Variants in BMAL2 observed in about 807,000 individuals in gnomAD.
The protein encoded by BMAL2 is basic helix-loop-helix ARNT like 2, also known as basic helix-loop-helix ARNT-like protein 2.
the BMAL2 span, among the ~76,000 whole-genome samples, chr12:27,402,935 A>G: frequency 0.015 from 2,331 of 152,280 alleles, 64 homozygotes; most frequent in African/African-American, 0.052. Flanking sequence ...TTCTGTTATA[A>G]TCTTGCATTA....
At chr12:27,420,168 G>C in the BMAL2 span, among the ~76,000 whole-genome samples, 43 of 152,158 alleles carry the variant, frequency 2.8e-4, no homozygotes, top group Non-Finnish European at 4.7e-4. Context: ...AGATGAATTA[G>C]GTGCAATTTA....
the BMAL2 span, among the ~76,000 whole-genome samples, chr12:27,412,960 G>T: frequency 6.6e-6 from 1 of 151,746 alleles, no homozygotes; most frequent in African/African-American, 2.4e-5. Flanking sequence ...AACCTTGCAG[G>T]CCGGGAGAGA....
At chr12:27,342,100 C>G in the BMAL2 span, among the ~76,000 whole-genome samples, 337 of 152,106 alleles carry the variant, frequency 2.2e-3, 1 homozygote, top group African/African-American at 7.5e-3. Flanking sequence ...CCACAGCCAG[C>G]TAATTTTGTA....
the BMAL2 span, among the ~76,000 whole-genome samples, chr12:27,411,776 T>C: frequency 6.6e-6 from 1 of 152,190 alleles, no homozygotes; most frequent in Non-Finnish European, 1.5e-5. Flanking sequence ...GGCAAATATT[T>C]TCTCTCAGTC....
At chr12:27,417,790 G>A in the BMAL2 span, among the ~76,000 whole-genome samples, 13 of 151,844 alleles carry the variant, frequency 8.6e-5, 1 homozygote, top group Admixed American at 7.2e-4. Context: ...TCAGGAGATC[G>A]AGACCATCCT....
chr12:27,418,248 C>A, the BMAL2 span: 1 of 1,204,962 alleles, frequency 8.3e-7, no homozygotes, highest in Non-Finnish European at 1.2e-6. Flanking sequence ...AAACCCCCCT[C>A]TTAATCACTA....
At chr12:27,385,272 C>T in the BMAL2 span, among the ~76,000 whole-genome samples, 7 of 151,900 alleles carry the variant, frequency 4.6e-5, no homozygotes, top group Non-Finnish European at 8.8e-5. Context: ...TGAGATTGCG[C>T]GACCGCACTC....
At chr12:27,395,283 T>C in the BMAL2 span, among the ~76,000 whole-genome samples, 1 of 152,234 alleles carries the variant, frequency 6.6e-6, no homozygotes, top group East Asian at 1.9e-4. Context: ...TTCTGTCACC[T>C]TTAATTCTTC....
the BMAL2 span, among the ~76,000 whole-genome samples, chr12:27,405,336 G>T: frequency 6.6e-6 from 1 of 152,212 alleles, no homozygotes; most frequent in African/African-American, 2.4e-5. Context: ...AGCCTAACTG[G>T]GAGGCACCCC....
chr12:27,395,258 T>C, the BMAL2 span, among the ~76,000 whole-genome samples: 15,101 of 152,240 alleles, frequency 0.099, 1,059 homozygotes, highest in African/African-American at 0.19. Context: ...CCACCTTGTC[T>C]GGGCTCCTCC....
At chr12:27,365,566 A>G in the BMAL2 span, among the ~76,000 whole-genome samples, 1 of 151,918 alleles carries the variant, frequency 6.6e-6, no homozygotes, top group Non-Finnish European at 1.5e-5. Flanking sequence ...GAATATAGGA[A>G]TATTCAGGTT....
the BMAL2 span, among the ~76,000 whole-genome samples, chr12:27,342,108 G>A: frequency 6.6e-6 from 1 of 151,988 alleles, no homozygotes; most frequent in Admixed American, 6.6e-5. Flanking sequence ...AGCTAATTTT[G>A]TATTTTTTTA....
At chr12:27,369,771 G>T in the BMAL2 span, among the ~76,000 whole-genome samples, 1 of 152,214 alleles carries the variant, frequency 6.6e-6, no homozygotes, top group Non-Finnish European at 1.5e-5. Flanking sequence ...ATGAGACCTT[G>T]CAGTGGTTTG....
At chr12:27,333,647 G>A in the BMAL2 span, among the ~76,000 whole-genome samples, 1,011 of 152,370 alleles carry the variant, frequency 6.6e-3, 8 homozygotes, top group Non-Finnish European at 0.012. Flanking sequence ...GAGCGCGCAG[G>A]TGGGCAGGTG....
At chr12:27,410,701 A>T in the BMAL2 span, among the ~76,000 whole-genome samples, 1 of 152,170 alleles carries the variant, frequency 6.6e-6, no homozygotes, top group African/African-American at 2.4e-5. Flanking sequence ...CATATGTAAG[A>T]AACCTGCATG....
At chr12:27,345,297 G>GTA in the BMAL2 span, among the ~76,000 whole-genome samples, 1 of 152,104 alleles carries the variant, frequency 6.6e-6, no homozygotes, top group Non-Finnish European at 1.5e-5. Flanking sequence ...CATTCTAGGT[G>GTA]TCTTTCTTTC....
the BMAL2 span, among the ~76,000 whole-genome samples, chr12:27,337,267 TAAAAC>T: frequency 3.3e-5 from 5 of 152,248 alleles, no homozygotes; most frequent in Non-Finnish European, 7.3e-5. Flanking sequence ...ACTATTGTGA[TAAAAC>T]AATAACTTCC....
the BMAL2 span, among the ~76,000 whole-genome samples, chr12:27,350,994 C>CCCCCCCTTTTT: frequency 1.1e-5 from 1 of 94,278 alleles, no homozygotes; most frequent in African/African-American, 4.3e-5. Flanking sequence ...CCCACCCCCC[C>CCCCCCCTTTTT]TTTTTTTTTT....
the BMAL2 span, among the ~76,000 whole-genome samples, chr12:27,414,778 A>C: frequency 4.1e-3 from 619 of 152,328 alleles, 2 homozygotes; most frequent in Admixed American, 6.7e-3. Context: ...GGAAATTATC[A>C]GAGCAGAAAC....
Sources: gnomAD v4.1 joint callset for allele counts (sites outside exome capture counted in the v4.1 genomes callset) on GRCh38, gnomAD v4.1.1 for gene constraint, MANE v1.5 for transcripts, NCBI Gene and HGNC (gene_info 2026-07-23, HGNC 2026-07-21) for gene names.